MEIOB: variants seen among roughly 807,000 people sequenced by gnomAD.
MEIOB encodes the protein meiosis-specific with OB domain-containing protein.
A neutral mutation model predicts 53.1 loss-of-function variants in MEIOB; 50 were observed. The ratio of observed to expected loss-of-function variants is 0.94; its 90% CI spans 0.75 to 1.19. The LOEUF (loss-of-function observed/expected upper bound fraction) is 1.19, where lower values mean the gene tolerates loss of function less well. Among genes scored for constraint, MEIOB ranks in the 50% most tolerant of loss-of-function variants. MEIOB has a pLI of 0.00. For missense variants in MEIOB, 551 were observed against 550.8 expected (o/e 1.00, Z 0.00); for synonymous variants, 192 against 182.5 (o/e 1.05, Z -0.42).
intron 10 of MEIOB, among the ~76,000 whole-genome samples, chr16:1,842,696 C>T (rs186507777): frequency 0.17 from 25,738 of 148,874 alleles, 2,403 homozygotes; most frequent in South Asian, 0.27. Context: ...CAGAGTCTCA[C>T]TCTGTCGCCC....
intron 4 of MEIOB, among the ~76,000 whole-genome samples, chr16:1,861,376 G>A (rs1899436961): frequency 6.6e-6 from 1 of 152,062 alleles, no homozygotes; most frequent in African/African-American, 2.4e-5. Context: ...TTCAGTGGCT[G>A]TATTATATGT....
At chr16:1,866,743 A>T (rs1265355861) in intron 2 of MEIOB, among the ~76,000 whole-genome samples, 13 of 212 alleles carry the variant, frequency 0.061, no homozygotes, top group Middle Eastern at 0.5. Flanking sequence ...TAAAAAAAAA[A>T]TAATAAAAAA....
chr16:1,838,203 T>C, intron 12 of MEIOB: 1 of 444,598 alleles, frequency 2.2e-6, no homozygotes, highest in Non-Finnish European at 4.0e-6. Flanking sequence ...TCTCACTATG[T>C]TGCCCAGGGT....
chr16:1,842,622 T>TAAAAAAAAAAAA (rs1567273734), intron 10 of MEIOB, among the ~76,000 whole-genome samples: 1 of 52,876 alleles, frequency 1.9e-5, no homozygotes, highest in Non-Finnish European at 3.6e-5. Flanking sequence ...AAACTCCATC[T>TAAAAAAAAAAAA]CAAAAAGACA....
intron 6 of MEIOB, 96 bp from the exon 7 acceptor site, chr16:1,854,296 C>A: frequency 2.9e-6 from 2 of 696,378 alleles, no homozygotes; most frequent in Admixed American, 2.9e-5. Flanking sequence ...TTTTAAACAC[C>A]AAATTAGAAA....
intron 3 of MEIOB, among the ~76,000 whole-genome samples, chr16:1,862,808 C>T (rs1899480781): frequency 6.6e-6 from 1 of 151,962 alleles, no homozygotes; most frequent in East Asian, 1.9e-4. Context: ...ATCCCAGCTA[C>T]TCGGGAGGCT....
chr16:1,856,790 G>T (rs560327432), intron 6 of MEIOB, among the ~76,000 whole-genome samples: 2 of 124,920 alleles, frequency 1.6e-5, no homozygotes, highest in South Asian at 2.5e-4. Flanking sequence ...TTGAGACAGG[G>T]TCTCCCTCTA....
intron 5 of MEIOB, among the ~76,000 whole-genome samples, chr16:1,860,045 G>T (rs391901): frequency 0.82 from 124,304 of 152,188 alleles, 50,947 homozygotes; most frequent in Middle Eastern, 0.9. Context: ...GCTCTGCTTC[G>T]AAGGAATCTG....
chr16:1,864,766 G>A (rs1483956117), intron 3 of MEIOB, among the ~76,000 whole-genome samples: 1 of 151,978 alleles, frequency 6.6e-6, no homozygotes, highest in African/African-American at 2.4e-5. Context: ...GGGATTACAG[G>A]CGTGACCACT....
chr16:1,858,419 TC>T (rs1239205477), intron 5 of MEIOB, among the ~76,000 whole-genome samples: 1 of 151,998 alleles, frequency 6.6e-6, no homozygotes, highest in Admixed American at 6.6e-5. Flanking sequence ...ACCGAGTCCC[TC>T]CCGGCCCTTG....
At chr16:1,850,284 T>C (rs989237402) in intron 9 of MEIOB, among the ~76,000 whole-genome samples, 25 of 152,240 alleles carry the variant, frequency 1.6e-4, no homozygotes, top group African/African-American at 6.0e-4. Flanking sequence ...TATTACTAAA[T>C]GTAAAAATAA....
chr16:1,870,657 C>G (rs1193761894), intron 1 of MEIOB, among the ~76,000 whole-genome samples: 1 of 152,206 alleles, frequency 6.6e-6, no homozygotes, highest in African/African-American at 2.4e-5. Flanking sequence ...AATGATGGCC[C>G]TGCTTGTCAA....
chr16:1,865,732 G>A, intron 3 of MEIOB, 46 bp downstream of exon 3: 1 of 1,401,654 alleles, frequency 7.1e-7, no homozygotes, highest in East Asian at 2.5e-5. Flanking sequence ...GTAGTCATAA[G>A]CCAAAGTTGA....
At position 1,853,214 on chromosome 16, in the gene MEIOB, A is replaced by G. The variant is rs1321578304; in HGVS notation, c.682+5T>C. 1.3e-6 allele frequency: 2 copies of G among 1,554,006 alleles called. No individual in the cohort carries two copies. The highest frequency in any genetic ancestry group is 2.4e-5 in the East Asian group (1 of 41,306). ...ATATTGGACACAATCATTGAATGAT[A>G]ATACCTGTTTCTCGTGGCATCCAGC... On this transcript the variant is annotated splice_donor_5th_base_variant and intron_variant, in intron 8 of 13. Transcript: ENST00000325962.
chr16:1,845,512 T>C (rs1596969233), intron 9 of MEIOB, among the ~76,000 whole-genome samples: 1 of 151,852 alleles, frequency 6.6e-6, no homozygotes, highest in East Asian at 1.9e-4. Flanking sequence ...AGAGCAAGAC[T>C]CTGTCTAAAA....
rs533806967 is a variant in MEIOB, at chr16:1,872,113, G to A, written c.-130C>T. 1.2e-3 allele frequency: 186 copies of A among 151,988 alleles called. 1 individual carries two copies. In the Middle Eastern group the frequency reaches 0.014, roughly 11 times the overall value. 9.4% of individuals were successfully genotyped at this position (151,988 alleles called of 1,614,324 possible). A position where few individuals can be genotyped will look rare whatever the true frequency, so the allele number is the denominator to read the frequency against. On this transcript the variant is annotated 5_prime_UTR_variant, in exon 1 of 14. Coordinates refer to ENST00000325962, the MANE Select transcript of MEIOB (RefSeq NM_001163560.3). ...CGCGGCTTCTCCACAGGACGCTCGG[G>A]CCACAGCCTCGTGCAGGTGCGACGG...
chr16:1,850,019 T>C (rs1354369974), intron 9 of MEIOB, among the ~76,000 whole-genome samples: 3 of 152,228 alleles, frequency 2.0e-5, no homozygotes, highest in Non-Finnish European at 4.4e-5. Context: ...TAAAAATGTG[T>C]CTCCTTGAGA....
intron 10 of MEIOB, 119 bp downstream of exon 10, chr16:1,844,743 A>G (rs1326754848): frequency 1.8e-6 from 1 of 570,916 alleles, no homozygotes; most frequent in Non-Finnish European, 3.2e-6. Flanking sequence ...TACCTTTAGA[A>G]AGTAGAAATA....
At position 1,857,808 on chromosome 16, in the gene MEIOB, G is replaced by A. The variant is rs1249658538; in HGVS notation, c.455C>T (p.Ser152Leu). The A allele has an allele frequency of 6.4e-7, 1 of 1,551,676 alleles. No individual in the cohort carries two copies. The highest frequency in any genetic ancestry group is 1.4e-5 in the African/African-American group (1 of 73,020). ...LPVKESHDYY[S>L]LGDIVANGHS... is the part of the protein sequence containing the mutation. Reference sequence around the variant, plus strand: ...TCCATTTGCAACAATGTCACCCAGTGAATAATAATCATGAGACTCTTTAAC... The same window carrying A: ...TCCATTTGCAACAATGTCACCCAGTAAATAATAATCATGAGACTCTTTAAC... Residue 152 changes from serine to leucine, a missense_variant, in exon 6 of 14, where the codon TCA becomes TTA. Transcript: ENST00000325962.
Sources: gnomAD v4.1 joint callset for allele counts (sites outside exome capture counted in the v4.1 genomes callset) on GRCh38, gnomAD v4.1.1 for gene constraint, MANE v1.5 for transcripts, NCBI Gene and HGNC (gene_info 2026-07-23, HGNC 2026-07-21) for gene names.